SEC61A1: variants seen among roughly 807,000 people sequenced by gnomAD.
SEC61A1 encodes the protein SEC61 translocon subunit alpha 1.
A neutral mutation model predicts 55.2 loss-of-function variants in SEC61A1; 15 were observed. That is an observed-to-expected ratio of 0.27 (90% CI 0.18 to 0.42). The LOEUF is 0.42. Ranked by LOEUF, SEC61A1 falls within the 10% of genes least tolerant of loss-of-function variation. The probability of loss-of-function intolerance (pLI) is 1.00; values close to 1 mark genes in which losing one functional copy is unlikely to be tolerated. For synonymous variants in SEC61A1, 247 were observed against 234.0 expected, an observed-to-expected ratio of 1.06 and a Z score of -0.51; for missense variants, 284 against 602.6, an observed-to-expected ratio of 0.47 and a Z score of 5.53.
rs568934098 is a variant in SEC61A1 at position 128,069,982 on chromosome 3, C to T, written c.*320C>T. The T allele has an allele frequency of 1.5e-5, 3 of 204,044 alleles. No individual in the cohort carries two copies. Among genetic ancestry groups the T allele is most frequent in the East Asian group, 2.4e-4 (2 of 8,414 alleles). The allele number at this position is 204,044 out of a possible 1,614,324, so 12.6% of individuals were successfully genotyped here. On this transcript the variant is annotated 3_prime_UTR_variant, in exon 12 of 12. Transcript: ENST00000243253. ...ACCTTCTCAGTGCTGTATGCGGCTG[C>T]AGCCGTCTCACCTGTTTCCCCACAA...
intron 7 of SEC61A1, among the ~76,000 whole-genome samples, chr3:128,062,023 C>A (rs1451800968): frequency 6.6e-6 from 1 of 152,176 alleles, no homozygotes; most frequent in African/African-American, 2.4e-5. Flanking sequence ...AGTAATCCAG[C>A]CCCAATTAAG....
intron 5 of SEC61A1, among the ~76,000 whole-genome samples, chr3:128,058,494 G>A (rs768982157): frequency 8.5e-5 from 13 of 152,138 alleles, no homozygotes; most frequent in Non-Finnish European, 1.6e-4. Flanking sequence ...GATTACAGGC[G>A]TGAGCCACAG....
chr3:128,064,955 A>G lies in SEC61A1; in HGVS notation c.695A>G (p.Glu232Gly). ...ACAGACAAGGTCCGAGCCCTTCGGG[A>G]GGCGTTCTACCGCCAGAATCTTCCC... is the stretch of plus-strand genomic sequence containing the variant. The part of the protein sequence containing the change: ...TRTDKVRALR[E>G]AFYRQNLPNL... Residue 232 changes from glutamate (E) to glycine (G), a missense_variant, in exon 8 of 12, where the codon GAG becomes GGG. Transcript: ENST00000243253. 1.2e-6 allele frequency: 2 copies of G among 1,614,198 alleles called. No individual in the cohort carries two copies. The highest frequency in any genetic ancestry group is 1.7e-6 in the Non-Finnish European group (2 of 1,180,034).
chr3:128,069,693 C>T lies in SEC61A1; in HGVS notation c.*31C>T, dbSNP rs1490955684. On this transcript the variant is annotated 3_prime_UTR_variant, in exon 12 of 12. Coordinates refer to ENST00000243253, the MANE Select transcript of SEC61A1 (RefSeq NM_013336.4). ...TCTCCCGGACAGGTTGAGGAAGCTG[C>T]TCCAGAAGCGCCTCGGAAGGGGAGC... 3 of 1,601,386 alleles carry T rather than the reference C, an allele frequency of 1.9e-6. No individual in the cohort carries two copies. The highest frequency in any genetic ancestry group is 2.6e-6 in the Non-Finnish European group (3 of 1,169,942).
intron 8 of SEC61A1, chr3:128,066,503 G>C (rs1441258989): frequency 5.9e-6 from 1 of 169,148 alleles, no homozygotes; most frequent in Non-Finnish European, 1.3e-5. Context: ...GCTCACTGCA[G>C]CCTAGACCTC....
chr3:128,052,647 C>A (rs1443169385), intron 1 of SEC61A1, 88 bp downstream of exon 1: 2 of 1,548,486 alleles, frequency 1.3e-6, no homozygotes, highest in Non-Finnish European at 1.7e-6. Flanking sequence ...CGCCGGCCAA[C>A]CCTGACCGGC....
intron 7 of SEC61A1, among the ~76,000 whole-genome samples, chr3:128,062,230 C>T (rs1941862596): frequency 6.6e-6 from 1 of 152,176 alleles, no homozygotes; most frequent in Non-Finnish European, 1.5e-5. Context: ...AAGGGCTGTG[C>T]CCCATGGCCT....
intron 4 of SEC61A1, 65 bp downstream of exon 4, chr3:128,055,816 T>A: frequency 7.6e-7 from 1 of 1,307,200 alleles, no homozygotes; most frequent in Non-Finnish European, 1.1e-6. Context: ...TTAGTTAAAT[T>A]AATAGGCTTT....
chr3:128,060,552 G>C lies in SEC61A1; in HGVS notation c.507G>C (p.Leu169=). ...TTGTCCTACTTTTGGATGAACTCCT[G>C]CAAAAAGGATATGGCCTTGGCTCTG... ...GLIVLLLDEL[L]QKGYGLGSGI... is the part of the protein sequence containing the mutation. The change falls in exon 7 of 12, where the codon CTG becomes CTC. Residue 169 remains leucine (L), a synonymous_variant. Coordinates refer to ENST00000243253, the MANE Select transcript of SEC61A1 (RefSeq NM_013336.4). 6.2e-7 allele frequency: 1 copy of C among 1,614,108 alleles called. No individual in the cohort carries two copies. The highest frequency in any genetic ancestry group is 8.5e-7 in the Non-Finnish European group (1 of 1,179,996).
rs1176065091 is a variant in SEC61A1, at chr3:128,056,818, T to G, written c.330T>G (p.Ala110=). ...IEVGDTPKDR[A]LFNGAQKLFG... is the part of the protein sequence containing the mutation. ...TTGGTGACACCCCAAAAGACCGAGCTCTCTTCAACGGAGCCCAAAAGTGTA... is the reference window on the plus strand; with the variant it reads ...TTGGTGACACCCCAAAAGACCGAGCGCTCTTCAACGGAGCCCAAAAGTGTA... Residue 110 remains alanine (A), a synonymous_variant, in exon 5 of 12, where the codon GCT becomes GCG. Coordinates refer to ENST00000243253, the MANE Select transcript of SEC61A1 (RefSeq NM_013336.4). 2.5e-6 allele frequency: 4 copies of G among 1,603,842 alleles called. No individual in the cohort carries two copies. Among genetic ancestry groups the G allele is most frequent in the African/African-American group, 2.7e-5 (2 of 74,710 alleles).
At position 128,069,497 on chromosome 3, in the gene SEC61A1, C is replaced by G. The variant is rs748931213; in HGVS notation, c.1266C>G (p.Ala422=). 1 of 1,612,868 alleles carries G rather than the reference C, an allele frequency of 6.2e-7. No individual in the cohort carries two copies. The highest frequency in any genetic ancestry group is 8.5e-7 in the Non-Finnish European group (1 of 1,179,988). ...ELNRYIPTAA[A]FGGLCIGALS... is the part of the protein sequence containing the mutation. Reference sequence around the variant, plus strand: ...CCAGGTACATCCCCACAGCCGCGGCCTTTGGTGGGCTGTGCATCGGGGCCC... The same window carrying G: ...CCAGGTACATCCCCACAGCCGCGGCGTTTGGTGGGCTGTGCATCGGGGCCC... Residue 422 remains alanine, a synonymous_variant, in exon 12 of 12, where the codon GCC becomes GCG. Coordinates refer to ENST00000243253, the MANE Select transcript of SEC61A1 (RefSeq NM_013336.4).
intron 7 of SEC61A1, among the ~76,000 whole-genome samples, chr3:128,063,031 C>G (rs1455102515): frequency 6.6e-6 from 1 of 152,194 alleles, no homozygotes; most frequent in East Asian, 1.9e-4. Context: ...GATCCCTTCT[C>G]AAGTTTTTAT....
rs78722933 is a variant in SEC61A1, at chr3:128,071,300, A to G, written c.*1638A>G. 2,068 of 152,558 alleles carry G rather than the reference A, an allele frequency of 0.014. 23 individuals are homozygous for G. Among genetic ancestry groups the G allele is most frequent in the Non-Finnish European group, 0.023 (1,542 of 68,166 alleles). The allele number at this position is 152,558 out of a possible 1,614,324, so 9.5% of individuals were successfully genotyped here. Reference sequence around the variant, plus strand: ...GCCTTGTCTAGACCCAGTCCTGAGCAGGGGAGAGGCTCTTGAGACCTGATG... The same window carrying G: ...GCCTTGTCTAGACCCAGTCCTGAGCGGGGGAGAGGCTCTTGAGACCTGATG... On this transcript the variant is annotated 3_prime_UTR_variant, in exon 12 of 12. Coordinates refer to ENST00000243253, the MANE Select transcript of SEC61A1 (RefSeq NM_013336.4).
At chr3:128,065,570 A>G (rs1941944417) in intron 8 of SEC61A1, among the ~76,000 whole-genome samples, 2 of 152,084 alleles carry the variant, frequency 1.3e-5, no homozygotes, top group Non-Finnish European at 2.9e-5. Context: ...TGTTTATTTA[A>G]AAGAAGGGAC....
At chr3:128,059,705 C>T (rs542526209) in intron 5 of SEC61A1, among the ~76,000 whole-genome samples, 8 of 152,230 alleles carry the variant, frequency 5.3e-5, no homozygotes, top group African/African-American at 1.7e-4. Flanking sequence ...GCCATCGAGA[C>T]CCCAAGTGCC....
In SEC61A1 at chr3:128,069,539, C is replaced by T; in HGVS notation, c.1308C>T (p.Asp436=). The T allele has an allele frequency of 1.2e-6, 2 of 1,614,106 alleles. No homozygotes were observed. The highest frequency in any genetic ancestry group is 1.7e-6 in the Non-Finnish European group (2 of 1,180,050). Residue 436 remains aspartate (D), a synonymous_variant, in exon 12 of 12, where the codon GAC becomes GAT. Coordinates refer to ENST00000243253, the MANE Select transcript of SEC61A1 (RefSeq NM_013336.4). ...LCIGALSVLA[D]FLGAIGSGTG... ...TCGGGGCCCTCTCGGTCCTGGCTGACTTCCTAGGCGCCATTGGGTCTGGAA... is the reference window on the plus strand; with the variant it reads ...TCGGGGCCCTCTCGGTCCTGGCTGATTTCCTAGGCGCCATTGGGTCTGGAA...
chr3:128,052,771 TG>T (rs1428736056), intron 1 of SEC61A1, 63 bp from the exon 2 acceptor site: 7 of 1,549,080 alleles, frequency 4.5e-6, no homozygotes, highest in African/African-American at 1.4e-5. Flanking sequence ...AAGGCGTCCC[TG>T]GGTAGCGCGG....
rs558300911 is a variant in SEC61A1, at chr3:128,060,505, C to T, written c.463-3C>T. On this transcript the variant is annotated splice_polypyrimidine_tract_variant and splice_region_variant and intron_variant, in intron 6 of 11. Transcript: ENST00000243253. ...ATAGTCTTGTATTTTTGAATTTTTA[C>T]AGCTCTTTGTTGCTGGCTTAATTGT... 165 of 1,613,874 alleles carry T rather than the reference C, an allele frequency of 1.0e-4. 2 individuals are homozygous for T. In the Admixed American group the frequency reaches 2.4e-3, roughly 24 times the overall value.
chr3:128,066,367 T>A (rs763912102), intron 8 of SEC61A1, among the ~76,000 whole-genome samples: 2 of 151,864 alleles, frequency 1.3e-5, no homozygotes. Context: ...TGTGATAGGC[T>A]CTGTCTTTTG....
Sources: allele counts gnomAD v4.1 joint callset (sites outside exome capture counted in the v4.1 genomes callset), GRCh38; gene constraint gnomAD v4.1.1; transcripts MANE v1.5; gene names NCBI Gene and HGNC (gene_info 2026-07-23, HGNC 2026-07-21).